The following MAPK10 variants were observed in gnomAD, a reference collection of about 807,000 sequenced individuals.
MAPK10 encodes mitogen-activated protein kinase 10, also known as JNK3 alpha protein kinase.
In MAPK10, 25 loss-of-function variants were observed where a neutral mutation model predicts 59.3. That is an observed-to-expected ratio of 0.42 (90% CI 0.31 to 0.59). MAPK10 has a LOEUF of 0.59. Ranked by LOEUF, MAPK10 falls within the 20% of genes least tolerant of loss-of-function variation. MAPK10 has a pLI of 0.15. For synonymous variants in MAPK10, 190 were observed against 200.5 expected (o/e 0.95, Z 0.44); for missense variants, 351 against 568.9 (o/e 0.62, Z 3.90).
At chr4:86,322,164 C>T (rs2095909774) in intron 2 of MAPK10, 1 of 152,178 alleles carries the variant, frequency 6.6e-6, no homozygotes, top group African/African-American at 2.4e-5. Context: ...AGCACTGTAG[C>T]ATGTTTTGTG....
chr4:86,193,333 C>A (rs554376737), intron 3 of MAPK10: 1 of 152,572 alleles, frequency 6.6e-6, no homozygotes, highest in Admixed American at 6.5e-5. Flanking sequence ...ACATTTAAGT[C>A]TGCTGAAGCT....
At chr4:86,297,887 T>C (rs942216921) in intron 2 of MAPK10, among the ~76,000 whole-genome samples, 2 of 152,208 alleles carry the variant, frequency 1.3e-5, no homozygotes, top group African/African-American at 4.8e-5. Flanking sequence ...TAAGATGGCA[T>C]AGAAGATCTC....
chr4:86,176,099 G>A (rs999921181), intron 3 of MAPK10: 10 of 152,250 alleles, frequency 6.6e-5, no homozygotes, highest in African/African-American at 2.4e-4. Context: ...GCAGCCTATG[G>A]TTATCATGCA....
chr4:86,037,263 G>A (rs754297409), intron 11 of MAPK10, among the ~76,000 whole-genome samples: 2 of 152,142 alleles, frequency 1.3e-5, no homozygotes, highest in Non-Finnish European at 2.9e-5. Flanking sequence ...CTTTCTGCCT[G>A]TAATCCCAGG....
chr4:86,372,298 C>T (rs1333753475), intron 1 of MAPK10, among the ~76,000 whole-genome samples: 1 of 152,016 alleles, frequency 6.6e-6, no homozygotes, highest in East Asian at 1.9e-4. Flanking sequence ...GTGGGCAGAT[C>T]ACGAGGTCAG....
chr4:86,203,671 C>T (rs1433792114), intron 2 of MAPK10, among the ~76,000 whole-genome samples: 1 of 149,894 alleles, frequency 6.7e-6, no homozygotes, highest in Non-Finnish European at 1.5e-5. Flanking sequence ...ATGTATGATA[C>T]AAGAACACAA....
intron 1 of MAPK10, among the ~76,000 whole-genome samples, chr4:86,465,045 A>G (rs1752077869): frequency 1.3e-5 from 2 of 152,252 alleles, no homozygotes; most frequent in Non-Finnish European, 2.9e-5. Context: ...GCGATGCCCA[A>G]CTTGTGAAAT....
At chr4:86,297,375 T>C (rs2148835397) in intron 2 of MAPK10, among the ~76,000 whole-genome samples, 1 of 152,294 alleles carries the variant, frequency 6.6e-6, no homozygotes, top group South Asian at 2.1e-4. Flanking sequence ...AGTGGTGCAA[T>C]CTCAGCTCAC....
At chr4:86,159,606 A>C (rs1472261102) in intron 3 of MAPK10, 139 bp from the exon 4 acceptor site, 1 of 652,242 alleles carries the variant, frequency 1.5e-6, no homozygotes, top group African/African-American at 1.9e-5. Flanking sequence ...CATAGAAAAA[A>C]AATATGTATC....
chr4:86,076,090 C>G (rs994365479), intron 9 of MAPK10, among the ~76,000 whole-genome samples: 24 of 152,148 alleles, frequency 1.6e-4, no homozygotes, highest in African/African-American at 5.3e-4. Context: ...GGGATATAGT[C>G]TCGTGGTGCG....
intron 1 of MAPK10, among the ~76,000 whole-genome samples, chr4:86,372,585 AAAG>A (rs1316217246): frequency 7.9e-5 from 12 of 151,278 alleles, no homozygotes; most frequent in Non-Finnish European, 1.5e-4. Flanking sequence ...AAAGAAAAGA[AAAG>A]AAAAGAAAAG....
chr4:86,591,230 A>G (rs1763022490), intron 1 of MAPK10, among the ~76,000 whole-genome samples: 1 of 152,134 alleles, frequency 6.6e-6, no homozygotes, highest in Admixed American at 6.5e-5. Flanking sequence ...AGCCAGTTTT[A>G]TAAATTTATT....
intron 2 of MAPK10, among the ~76,000 whole-genome samples, chr4:86,231,592 G>A (rs1394508096): frequency 6.6e-6 from 1 of 152,080 alleles, no homozygotes; most frequent in Admixed American, 6.6e-5. Context: ...GAACCTGGGA[G>A]GCAGAGGTTG....
chr4:86,286,831 G>A (rs537160271), intron 2 of MAPK10, among the ~76,000 whole-genome samples: 1 of 152,308 alleles, frequency 6.6e-6, no homozygotes, highest in Non-Finnish European at 1.5e-5. Context: ...GAATAACCCT[G>A]TTAGTTTGTT....
At chr4:86,458,782 G>A (rs1751465710) in intron 1 of MAPK10, among the ~76,000 whole-genome samples, 1 of 152,172 alleles carries the variant, frequency 6.6e-6, no homozygotes, top group Non-Finnish European at 1.5e-5. Context: ...ATGGATCAAG[G>A]ACTTAAATCC....
intron 1 of MAPK10, among the ~76,000 whole-genome samples, chr4:86,517,269 CT>C (rs1176457005): frequency 0.084 from 7,069 of 84,040 alleles, 32 homozygotes; most frequent in Non-Finnish European, 0.1. Context: ...GGTGTATTAT[CT>C]TTTTTTTTTT....
At chr4:86,401,857 G>A (rs1292806504) in intron 1 of MAPK10, among the ~76,000 whole-genome samples, 1 of 152,118 alleles carries the variant, frequency 6.6e-6, no homozygotes, top group African/African-American at 2.4e-5. Flanking sequence ...TATTTCAGTG[G>A]TGCTGAAGGT....
At chr4:86,223,269 C>T (rs1306871000) in intron 2 of MAPK10, among the ~76,000 whole-genome samples, 1 of 152,192 alleles carries the variant, frequency 6.6e-6, no homozygotes, top group South Asian at 2.1e-4. Flanking sequence ...GTACAGCTGG[C>T]ATTCACCCTA....
chr4:86,213,511 G>A (rs545883144), intron 2 of MAPK10, among the ~76,000 whole-genome samples: 1 of 152,156 alleles, frequency 6.6e-6, no homozygotes, highest in African/African-American at 2.4e-5. Flanking sequence ...AGAAATGAAA[G>A]TGGATATATG....
Sources: gnomAD v4.1 joint callset for allele counts (sites outside exome capture counted in the v4.1 genomes callset) on GRCh38, gnomAD v4.1.1 for gene constraint, MANE v1.5 for transcripts, NCBI Gene and HGNC (gene_info 2026-07-23, HGNC 2026-07-21) for gene names.